CALN1: variants seen among roughly 807,000 people sequenced by gnomAD.
CALN1 encodes the protein calcium-binding protein 8.
CALN1 carries 17 observed loss-of-function variants against 30.6 expected under a neutral mutation model. The ratio of observed to expected loss-of-function variants is 0.56; its 90% confidence interval spans 0.38 to 0.83. CALN1 has a LOEUF of 0.83. CALN1 is among the 40% of genes least tolerant of loss of function. The pLI, the probability that CALN1 is intolerant of heterozygous loss-of-function variation, is 0.00. For synonymous variants in CALN1, 156 were observed against 131.4 expected (o/e 1.19, Z -1.28); for missense variants, 291 against 354.9 (o/e 0.82, Z 1.45).
intron 3 of CALN1, among the ~76,000 whole-genome samples, chr7:72,123,554 C>A (rs966299477): frequency 2.7e-4 from 41 of 152,142 alleles, no homozygotes; most frequent in Non-Finnish European, 6.0e-4. Context: ...AAAAAGTTAG[C>A]CAGAGAGAAT....
At chr7:72,483,702 C>G in the CALN1 span, among the ~76,000 whole-genome samples, 1 of 152,064 alleles carries the variant, frequency 6.6e-6, no homozygotes, top group Non-Finnish European at 1.5e-5. Context: ...TTTCTGCAAT[C>G]CCTTCTCTCC....
chr7:72,218,437 G>C (rs577499848), intron 3 of CALN1, among the ~76,000 whole-genome samples: 109 of 152,096 alleles, frequency 7.2e-4, no homozygotes, highest in Middle Eastern at 3.4e-3. Flanking sequence ...AACAGAGCGA[G>C]ACTCCATCTC....
At chr7:72,339,011 A>C (rs1355293889) in intron 2 of CALN1, among the ~76,000 whole-genome samples, 1 of 128,228 alleles carries the variant, frequency 7.8e-6, no homozygotes, top group African/African-American at 3.1e-5. Context: ...TAGATTCTCT[A>C]TGTCCATGAG....
chr7:72,360,966 A>T (rs1803535940), intron 2 of CALN1, among the ~76,000 whole-genome samples: 1 of 152,078 alleles, frequency 6.6e-6, no homozygotes, highest in South Asian at 2.1e-4. Context: ...ACCTCAAGTG[A>T]TCTGCCTGCC....
chr7:72,449,686 C>A (rs1467728371), upstream of CALN1, among the ~76,000 whole-genome samples: 1 of 151,852 alleles, frequency 6.6e-6, no homozygotes, highest in Non-Finnish European at 1.5e-5. Context: ...TCCTGGCTAA[C>A]ATGGTGAAAC....
chr7:72,295,409 G>T (rs1232922757), intron 2 of CALN1, among the ~76,000 whole-genome samples: 3 of 152,064 alleles, frequency 2.0e-5, no homozygotes, highest in African/African-American at 7.2e-5. Context: ...GAAAGGCATT[G>T]GTAGCTTGAT....
At position 72,412,039 on chromosome 7, in the gene CALN1, C is replaced by T. The variant is rs1319884579; in HGVS notation, c.-74+19G>A. 6.6e-6 allele frequency: 1 copy of T among 152,204 alleles called. No individual in the cohort carries two copies. The highest frequency in any genetic ancestry group is 1.5e-5 in the Non-Finnish European group (1 of 68,050). The allele number at this position is 152,204 out of a possible 1,614,324, so 9.4% of individuals were successfully genotyped here. On this transcript the variant is annotated intron_variant, in intron 1 of 6. Transcript: ENST00000395275. The stretch of plus-strand genomic sequence containing the variant: ...TGCATGCAGCTGAGCCCACCATGCT[C>T]TTTAGTTTCTGTGCCCACCTGTGTG...
chr7:71,840,804 C>T (rs778912193), intron 5 of CALN1, among the ~76,000 whole-genome samples: 18 of 152,080 alleles, frequency 1.2e-4, no homozygotes, highest in Admixed American at 2.6e-4. Flanking sequence ...TGGTAGCCTT[C>T]GTTAGCACTG....
At chr7:72,009,142 C>G (rs1195962085) in intron 5 of CALN1, among the ~76,000 whole-genome samples, 1 of 152,130 alleles carries the variant, frequency 6.6e-6, no homozygotes, top group Non-Finnish European at 1.5e-5. Context: ...TATGAACTAG[C>G]AAGCCTAAAG....
Position 72,307,772 on chromosome 7 carries a change from C to T in CALN1, c.120-28962G>A, listed in dbSNP as rs570931125. ...AGAGCAGCCGGCAACAGGGATGTCA[C>T]CAGCAGGACACAAGATCATCCCAAC... On this transcript the variant is annotated intron_variant, in intron 2 of 6. Coordinates refer to ENST00000395275, the MANE Select transcript of CALN1 (RefSeq NM_031468.4). Among the ~76,000 whole-genome samples, 6 of 152,182 alleles carry T rather than the reference C, an allele frequency of 3.9e-5. No individual in the cohort carries two copies. The South Asian group carries it at 1.2e-3, about 32-fold the overall frequency.
intron 2 of CALN1, among the ~76,000 whole-genome samples, chr7:72,306,136 A>G (rs1277439400): frequency 2.0e-5 from 3 of 152,194 alleles, no homozygotes; most frequent in Non-Finnish European, 4.4e-5. Flanking sequence ...TGACACTGGT[A>G]TAACATGACA....
At chr7:72,088,783 AG>A (rs72322718) in intron 4 of CALN1, among the ~76,000 whole-genome samples, 1 of 59,678 alleles carries the variant, frequency 1.7e-5, no homozygotes, top group East Asian at 0.014. Flanking sequence ...AAGAGAAGGA[AG>A]GGAAGGAAGG....
At chr7:72,141,737 T>G (rs978351894) in intron 3 of CALN1, among the ~76,000 whole-genome samples, 2 of 151,880 alleles carry the variant, frequency 1.3e-5, no homozygotes, top group African/African-American at 4.8e-5. Flanking sequence ...CCTGGCTAAT[T>G]TTTGTATTTT....
chr7:72,484,601 C>T, the CALN1 span, among the ~76,000 whole-genome samples: 1 of 152,142 alleles, frequency 6.6e-6, no homozygotes, highest in Non-Finnish European at 1.5e-5. Flanking sequence ...TTGAGGGTCG[C>T]CCTCTGGTAA....
At chr7:72,455,333 G>GTA in the CALN1 span, among the ~76,000 whole-genome samples, 1 of 136,254 alleles carries the variant, frequency 7.3e-6, no homozygotes, top group African/African-American at 2.6e-5. Flanking sequence ...GTGTGTGTGT[G>GTA]TGTGTGTGTG....
intron 3 of CALN1, among the ~76,000 whole-genome samples, chr7:72,119,191 G>A (rs1421281392): frequency 6.6e-6 from 1 of 152,140 alleles, no homozygotes; most frequent in East Asian, 1.9e-4. Flanking sequence ...CCAAGACTGA[G>A]CAATTTACAA....
chr7:72,310,845 G>A (rs1367981740), intron 2 of CALN1, among the ~76,000 whole-genome samples: 1 of 147,918 alleles, frequency 6.8e-6, no homozygotes, highest in African/African-American at 2.5e-5. Context: ...GGAGGTTGCA[G>A]TGAGCCGAGA....
intron 4 of CALN1, among the ~76,000 whole-genome samples, chr7:72,098,573 T>C (rs1240244162): frequency 1.1e-4 from 17 of 151,712 alleles, no homozygotes; most frequent in Non-Finnish European, 2.4e-4. Context: ...CTGGGTGGGG[T>C]TGCACACACC....
At chr7:71,800,358 T>G (rs1373456335) in intron 6 of CALN1, among the ~76,000 whole-genome samples, 1 of 152,202 alleles carries the variant, frequency 6.6e-6, no homozygotes, top group Non-Finnish European at 1.5e-5. Flanking sequence ...TGGGGCTGCC[T>G]GGCCTGTGTC....
Sources: gnomAD v4.1 joint callset for allele counts (sites outside exome capture counted in the v4.1 genomes callset) on GRCh38, gnomAD v4.1.1 for gene constraint, MANE v1.5 for transcripts, NCBI Gene and HGNC (gene_info 2026-07-23, HGNC 2026-07-21) for gene names.